The following COL20A1 variants were observed in gnomAD, a reference collection of about 807,000 sequenced individuals.
COL20A1 encodes the protein collagen alpha-1(XX) chain.
Under a neutral mutation model 152.9 loss-of-function variants are expected in COL20A1, and 164 were observed. The observed-to-expected ratio is 1.07, with a 90% confidence interval of 0.94 to 1.22. The LOEUF is 1.22. COL20A1 is among the 50% of genes most tolerant of loss of function. COL20A1 has a pLI of 0.00. For synonymous variants in COL20A1, 864 were observed against 756.0 expected, an observed-to-expected ratio of 1.14 and a Z score of -2.34; for missense variants, 1,873 against 1,744.8, an observed-to-expected ratio of 1.07 and a Z score of -1.31.
rs764366491 is a variant in COL20A1 at position 63,319,061 on chromosome 20, C to T, written c.2667C>T (p.Asp889=). Residue 889 remains aspartate (D), a synonymous_variant, in exon 22 of 36, where the codon GAC becomes GAT. Transcript: ENST00000358894. This position sits in a 1 kb window ranked among gnomAD's most constrained non-coding sequence, Gnocchi z 4.4. ...KDAQLTRRVS[D]VYPAPLPPEH... is the part of the protein sequence containing the mutation. ...CTCCCTCCCCCAACCCCCACAGTGACGTCTACCCAGCCCCCCTACCTCCAG... is the reference window on the plus strand; with the variant it reads ...CTCCCTCCCCCAACCCCCACAGTGATGTCTACCCAGCCCCCCTACCTCCAG... The T allele has an allele frequency of 1.1e-5, 18 of 1,597,338 alleles. No individual in the cohort carries two copies. Among genetic ancestry groups the T allele is most frequent in the Middle Eastern group, 1.7e-4 (1 of 6,008 alleles).
chr20:63,299,139 T>C (rs1167047161), intron 3 of COL20A1, among the ~76,000 whole-genome samples: 1 of 152,222 alleles, frequency 6.6e-6, no homozygotes, highest in East Asian at 1.9e-4. Flanking sequence ...TGTGATCTCT[T>C]CTGCTATTGA....
intron 1 of COL20A1, among the ~76,000 whole-genome samples, chr20:63,294,431 A>G (rs2067760298): frequency 6.6e-6 from 1 of 151,236 alleles, no homozygotes; most frequent in South Asian, 2.1e-4. Flanking sequence ...AGCCCCTTTG[A>G]GTGGGCCGGG....
Position 63,320,359 on chromosome 20 carries a change from C to T in COL20A1, c.3144C>T (p.Leu1048=). The T allele has an allele frequency of 6.2e-7, 1 of 1,611,220 alleles. No individual in the cohort carries two copies. Among genetic ancestry groups the T allele is most frequent in the Non-Finnish European group, 8.5e-7 (1 of 1,179,822 alleles). The change falls in exon 25 of 36, where the codon CTC becomes CTT. Residue 1048 remains leucine, a synonymous_variant. Transcript: ENST00000358894. ...TWADEDRCCE[L]PASRDGETCP... ...CCGATGAGGACCGGTGCTGTGAGCT[C>T]CCTGCCTCGGTGTGCCCCGTCCCTT...
chr20:63,312,989 G>GA (rs1454054434), intron 16 of COL20A1, 55 bp downstream of exon 16: 1 of 1,527,762 alleles, frequency 6.5e-7, no homozygotes, highest in Admixed American at 2.0e-5. Flanking sequence ...CCCTAGTCCT[G>GA]AAGCCAAAGT....
rs551168968 is a variant in COL20A1 at position 63,332,914 on chromosome 20, G to C, written c.*2198G>C. On this transcript the variant is annotated 3_prime_UTR_variant, in exon 36 of 36. Coordinates refer to ENST00000358894, the MANE Select transcript of COL20A1 (RefSeq NM_020882.4). ...GGCAAGGGAGCTGAGAGCAGCCTCC[G>C]GATGCACCAAACCGGCCTGGCTCCT... 1 of 152,300 alleles carries C rather than the reference G, an allele frequency of 6.6e-6. No homozygotes were observed. Among genetic ancestry groups the C allele is most frequent in the Non-Finnish European group, 1.5e-5 (1 of 68,118 alleles). 9.4% of individuals were successfully genotyped at this position (152,300 alleles called of 1,614,324 possible).
intron 20 of COL20A1, 23 bp downstream of exon 20, chr20:63,315,462 TG>T: frequency 6.4e-7 from 1 of 1,555,276 alleles, no homozygotes; most frequent in Non-Finnish European, 8.7e-7. Flanking sequence ...TGCCCTCCCC[TG>T]CCTGCCCACC....
At chr20:63,317,182 G>T (rs532397906) in intron 21 of COL20A1, among the ~76,000 whole-genome samples, 2 of 152,342 alleles carry the variant, frequency 1.3e-5, no homozygotes, top group Admixed American at 1.3e-4. Flanking sequence ...AGTTAAAATG[G>T]TTGATGATAA....
Position 63,305,515 on chromosome 20 carries a change from C to T in COL20A1, c.292C>T (p.Leu98Phe), listed in dbSNP as rs753572248. The stretch of plus-strand genomic sequence containing the variant: ...GGGCTACACCTTGCAGATCTTCGAG[C>T]TCACTGGCTCTGGGCGCTTCCTGCT... Reference protein sequence around the residue: ...SKGYTLQIFELTGSGRFLLAR... With the variant: ...SKGYTLQIFEFTGSGRFLLAR... The change falls in exon 4 of 36, where the codon CTC becomes TTC. Residue 98 changes from leucine (L) to phenylalanine (F), a missense_variant. Coordinates refer to ENST00000358894, the MANE Select transcript of COL20A1 (RefSeq NM_020882.4). The surrounding 1 kb of genome is among the most constrained non-coding windows in gnomAD (Gnocchi z 4.9). 1 of 1,607,636 alleles carries T rather than the reference C, an allele frequency of 6.2e-7. No homozygotes were observed. The highest frequency in any genetic ancestry group is 8.5e-7 in the Non-Finnish European group (1 of 1,177,598).
rs889023575 is a variant in COL20A1, at chr20:63,307,520, T to A, written c.527T>A (p.Val176Glu). ...CCCCAGTTCCGCTGCCTGCCCCCCG[T>A]GCCTGCTGACATGGTCTTCCTGGTG... ...AGPQFRCLPP[V>E]PADMVFLVDG... Residue 176 changes from valine (V) to glutamate (E), a missense_variant, in exon 6 of 36, where the codon GTG becomes GAG. Physicochemically the swap from Val to Glu is moderately radical, Grantham distance 121. Transcript: ENST00000358894. 5.6e-6 allele frequency: 9 copies of A among 1,612,304 alleles called. No homozygotes were observed. The Admixed American group carries it at 1.5e-4, about 27-fold the overall frequency.
intron 31 of COL20A1, 84 bp downstream of exon 31, chr20:63,326,907 TC>T (rs1337552560): frequency 3.1e-6 from 3 of 952,700 alleles, no homozygotes; most frequent in South Asian, 1.9e-5. Context: ...CTCAGGGACT[TC>T]CTACTGACAG....
In COL20A1 at chr20:63,331,860, T is replaced by C. The variant is rs1267214788; in HGVS notation, c.*1144T>C. On this transcript the variant is annotated 3_prime_UTR_variant, in exon 36 of 36. Transcript: ENST00000358894. ...ACCCACCAAGATCACCAGTGCAGCA[T>C]TGCGTGCACCAAAGCATACCCCAAA... is the stretch of plus-strand genomic sequence containing the variant. The C allele has an allele frequency of 3.3e-5, 5 of 152,068 alleles. No homozygotes were observed. Among genetic ancestry groups the C allele is most frequent in the East Asian group, 1.9e-4 (1 of 5,200 alleles). The allele number at this position is 152,068 out of a possible 1,614,324, so 9.4% of individuals were successfully genotyped here. A position where few individuals can be genotyped will look rare whatever the true frequency, so the allele number is the denominator to read the frequency against.
Position 63,326,371 on chromosome 20 carries a change from T to A in COL20A1, c.3456+222T>A, listed in dbSNP as rs576212259. On this transcript the variant is annotated intron_variant, in intron 30 of 35. Transcript: ENST00000358894. ...CAAGTGAGGGCTCTGTGCTGAGGAC[T>A]CAGTTCCTGGGAGACCTTGGAGGGG... 3.3e-5 allele frequency among the ~76,000 whole-genome samples: 5 copies of A among 152,296 alleles called. No individual in the cohort carries two copies. In the South Asian group the frequency reaches 1.0e-3, roughly 32 times the overall value.
In COL20A1 at chr20:63,301,891, T is replaced by A. The variant is rs185310688; in HGVS notation, c.194-3526T>A. ...TTAAAAGATTTTTTCCATTTATATT[T>A]AATGAAATTAATGATACATTTGAGT... On this transcript the variant is annotated intron_variant, in intron 3 of 35. Transcript: ENST00000358894. Among the ~76,000 whole-genome samples, 332 of 152,338 alleles carry A rather than the reference T, an allele frequency of 2.2e-3. 2 individuals are homozygous for A. The highest frequency in any genetic ancestry group is 7.5e-3 in the African/African-American group (310 of 41,590).
chr20:63,307,727 G>T, intron 6 of COL20A1, 79 bp downstream of exon 6: 1 of 1,492,948 alleles, frequency 6.7e-7, no homozygotes, highest in East Asian at 2.3e-5. Context: ...TGTGACCTGT[G>T]GGGGTCCCCG....
In COL20A1 at chr20:63,333,387, T is replaced by C. The variant is rs1463076900; in HGVS notation, c.*2671T>C. 6.6e-6 allele frequency: 1 copy of C among 152,160 alleles called. No individual in the cohort carries two copies. Among genetic ancestry groups the C allele is most frequent in the Non-Finnish European group, 1.5e-5 (1 of 68,164 alleles). The allele number at this position is 152,160 out of a possible 1,614,324, so 9.4% of individuals were successfully genotyped here. A position where few individuals can be genotyped will look rare whatever the true frequency, so the allele number is the denominator to read the frequency against. ...CTCAGGCCGCTGGGGTCATGGGGGT[T>C]GTGGGAAGGTCATGGAATCACGGGG... On this transcript the variant is annotated 3_prime_UTR_variant, in exon 36 of 36. Transcript: ENST00000358894.
chr20:63,308,823 C>A, intron 8 of COL20A1, 117 bp downstream of exon 8: 2 of 920,928 alleles, frequency 2.2e-6, no homozygotes, highest in Non-Finnish European at 3.2e-6. Context: ...ACATCTGCGG[C>A]ACGGAGCTGC....
chr20:63,330,631 CAG>C (rs957947011), intron 35 of COL20A1, 87 bp from the exon 36 acceptor site: 4 of 152,288 alleles, frequency 2.6e-5, no homozygotes, highest in African/African-American at 9.6e-5. Flanking sequence ...TGCGGGCTCT[CAG>C]GGTGGCCACA....
At position 63,294,019 on chromosome 20, in the gene COL20A1, G is replaced by A. The variant is rs1470220052; in HGVS notation, c.-11+744G>A. Reference sequence around the variant, plus strand: ...AGCCATGCCCTCAGCTCAGCACAGAGGGGTAGGGGCCCGGCCTGCCGGGAG... The same window carrying A: ...AGCCATGCCCTCAGCTCAGCACAGAAGGGTAGGGGCCCGGCCTGCCGGGAG... On this transcript the variant is annotated intron_variant, in intron 1 of 35. Transcript: ENST00000358894. Among the ~76,000 whole-genome samples the A allele has an allele frequency of 7.0e-5, 10 of 142,422 alleles. No homozygotes were observed. The South Asian group carries it at 2.5e-3, about 35-fold the overall frequency. The allele number at this position is 142,422 out of a possible 152,430, so 93.4% of individuals were successfully genotyped here.
chr20:63,318,792 C>T (rs2068117718), intron 21 of COL20A1, among the ~76,000 whole-genome samples: 1 of 152,136 alleles, frequency 6.6e-6, no homozygotes, highest in Non-Finnish European at 1.5e-5. Flanking sequence ...CCATGTTACT[C>T]ATGGGGAAAC....
Sources: gnomAD v4.1 joint callset for allele counts (sites outside exome capture counted in the v4.1 genomes callset) on GRCh38, gnomAD v4.1.1 for gene constraint, Gnocchi (gnomAD v3.1) non-coding constraint, MANE v1.5 for transcripts, NCBI Gene and HGNC (gene_info 2026-07-23, HGNC 2026-07-21) for gene names.